PGBD2: variants seen among roughly 807,000 people sequenced by gnomAD.
PGBD2 encodes piggyBac transposable element-derived protein 2.
A neutral mutation model predicts 8.1 loss-of-function variants in PGBD2; 6 were observed. That is an observed-to-expected ratio of 0.74 (90% CI 0.40 to 1.46). PGBD2 has a LOEUF of 1.46. PGBD2 is among the 40% of genes most tolerant of loss of function. The pLI, the probability that PGBD2 is intolerant of heterozygous loss-of-function variation, is 0.02. For missense variants in PGBD2, 802 were observed against 739.0 expected, an observed-to-expected ratio of 1.09 and a Z score of -0.99; for synonymous variants, 318 against 272.2, an observed-to-expected ratio of 1.17 and a Z score of -1.66.
chr1:248,890,240 C>T, the PGBD2 span, among the ~76,000 whole-genome samples: 1 of 152,088 alleles, frequency 6.6e-6, no homozygotes, highest in South Asian at 2.1e-4. Context: ...TCCTTAAAAA[C>T]TCTTACTCTG....
At chr1:248,921,695 G>A (rs760897930), downstream of PGBD2, among the ~76,000 whole-genome samples, 1 of 152,158 alleles carries the variant, frequency 6.6e-6, no homozygotes, top group Non-Finnish European at 1.5e-5. Flanking sequence ...GCTCGATGTG[G>A]ATCGCATTGA....
chr1:248,929,400 C>G, the PGBD2 span, among the ~76,000 whole-genome samples: 2 of 152,196 alleles, frequency 1.3e-5, no homozygotes, highest in South Asian at 4.1e-4. Context: ...AGGCTGTCAT[C>G]TCAGGCCAGG....
the PGBD2 span, among the ~76,000 whole-genome samples, chr1:248,872,926 T>G: frequency 6.6e-6 from 1 of 152,212 alleles, no homozygotes; most frequent in African/African-American, 2.4e-5. Flanking sequence ...TTAGCAAAAG[T>G]CACTTTAGTG....
the PGBD2 span, among the ~76,000 whole-genome samples, chr1:248,884,789 A>T: frequency 2.0e-5 from 3 of 152,240 alleles, no homozygotes; most frequent in Non-Finnish European, 4.4e-5. Flanking sequence ...ACTTGGAGTC[A>T]GCAGAAAGAA....
intron 1 of PGBD2, among the ~76,000 whole-genome samples, chr1:248,907,534 G>C (rs1661702246): frequency 6.6e-6 from 1 of 151,916 alleles, no homozygotes; most frequent in Non-Finnish European, 1.5e-5. Context: ...CTGTATTTCA[G>C]ACTATCACAT....
the PGBD2 span, among the ~76,000 whole-genome samples, chr1:248,892,286 C>T: frequency 4.2e-5 from 5 of 120,382 alleles, no homozygotes; most frequent in South Asian, 1.1e-3. Context: ...TTCCTTCCTT[C>T]CTTCCTTCCT....
the PGBD2 span, among the ~76,000 whole-genome samples, chr1:248,927,548 C>G: frequency 4.6e-5 from 7 of 152,202 alleles, no homozygotes; most frequent in Non-Finnish European, 8.8e-5. Context: ...AATGACTCAG[C>G]TCTTCCATTA....
the PGBD2 span, among the ~76,000 whole-genome samples, chr1:248,879,133 A>G: frequency 6.6e-6 from 1 of 152,146 alleles, no homozygotes; most frequent in Non-Finnish European, 1.5e-5. Flanking sequence ...AATTATAAGA[A>G]TGTTTGTAGA....
At chr1:248,883,783 G>C in the PGBD2 span, among the ~76,000 whole-genome samples, 6 of 151,440 alleles carry the variant, frequency 4.0e-5, no homozygotes, top group African/African-American at 1.5e-4. Flanking sequence ...ATTTTTAGTA[G>C]AGACTGGGTT....
chr1:248,907,022 G>A (rs1572269993), intron 1 of PGBD2, among the ~76,000 whole-genome samples: 2 of 152,170 alleles, frequency 1.3e-5, no homozygotes, highest in South Asian at 4.2e-4. Flanking sequence ...AACCACAGTG[G>A]GCCCAGGGGA....
At chr1:248,882,199 A>C in the PGBD2 span, among the ~76,000 whole-genome samples, 5 of 152,294 alleles carry the variant, frequency 3.3e-5, no homozygotes, top group African/African-American at 9.6e-5. Flanking sequence ...ACGGAGCCAA[A>C]AATGCACGGG....
the PGBD2 span, among the ~76,000 whole-genome samples, chr1:248,878,311 C>CT: frequency 6.6e-6 from 1 of 152,066 alleles, no homozygotes; most frequent in African/African-American, 2.4e-5. Context: ...TCCCGAGTAG[C>CT]TGGGACTACG....
chr1:248,918,132 C>A lies in PGBD2; in HGVS notation c.1548C>A (p.Phe516Leu). The change falls in exon 3 of 3, where the codon TTC becomes TTA. Residue 516 changes from phenylalanine to leucine, a missense_variant. By Grantham distance (22) the Phe-to-Leu change is conservative. Coordinates refer to ENST00000329291, the MANE Select transcript of PGBD2 (RefSeq NM_170725.3). The part of the protein sequence containing the change: ...CQDAQVDLLA[F>L]RRYIACVYLE... ...ATGCCCAGGTGGACCTCCTTGCCTTCCGGAGATACATTGCCTGTGTGTATC... is the reference window on the plus strand; with the variant it reads ...ATGCCCAGGTGGACCTCCTTGCCTTACGGAGATACATTGCCTGTGTGTATC... 6.2e-7 allele frequency: 1 copy of A among 1,614,208 alleles called. No homozygotes were observed. Among genetic ancestry groups the A allele is most frequent in the Non-Finnish European group, 8.5e-7 (1 of 1,180,020 alleles).
chr1:248,895,140 G>T, the PGBD2 span, among the ~76,000 whole-genome samples: 1 of 152,116 alleles, frequency 6.6e-6, no homozygotes, highest in Non-Finnish European at 1.5e-5. Flanking sequence ...AGTCCTTCCA[G>T]CCAGTCATTG....
the PGBD2 span, among the ~76,000 whole-genome samples, chr1:248,873,845 G>C: frequency 6.6e-6 from 1 of 152,226 alleles, no homozygotes; most frequent in Non-Finnish European, 1.5e-5. Context: ...GAAGCGCTCT[G>C]CTTCCGAGTG....
chr1:248,874,339 G>C, the PGBD2 span, among the ~76,000 whole-genome samples: 2 of 152,194 alleles, frequency 1.3e-5, no homozygotes, highest in African/African-American at 2.4e-5. Context: ...TTTAAAAACT[G>C]TTGCCGCAGG....
At chr1:248,882,728 G>A in the PGBD2 span, among the ~76,000 whole-genome samples, 1 of 152,162 alleles carries the variant, frequency 6.6e-6, no homozygotes, top group African/African-American at 2.4e-5. Flanking sequence ...AGGAATCTTA[G>A]TGATGTGAAA....
the PGBD2 span, among the ~76,000 whole-genome samples, chr1:248,894,355 G>A: frequency 1.3e-5 from 2 of 151,974 alleles, no homozygotes; most frequent in African/African-American, 4.8e-5. Context: ...AAAAGTCAAG[G>A]AGCTTTACTT....
At chr1:248,874,321 T>A in the PGBD2 span, among the ~76,000 whole-genome samples, 6 of 152,178 alleles carry the variant, frequency 3.9e-5, no homozygotes, top group African/African-American at 1.4e-4. Flanking sequence ...GTCAGGAAAG[T>A]AAGCCGTTTT....
Sources: allele counts gnomAD v4.1 joint callset (sites outside exome capture counted in the v4.1 genomes callset), GRCh38; gene constraint gnomAD v4.1.1; transcripts MANE v1.5; gene names NCBI Gene and HGNC (gene_info 2026-07-23, HGNC 2026-07-21).